Variants in BCL9L observed in about 807,000 individuals in gnomAD.
BCL9L encodes the protein BCL9 like.
BCL9L carries 19 observed loss-of-function variants against 99.4 expected under a neutral mutation model. That is an observed-to-expected ratio of 0.19 (90% CI 0.13 to 0.28). The LOEUF (loss-of-function observed/expected upper bound fraction) is 0.28, where lower values mean the gene tolerates loss of function less well. Among genes scored for constraint, BCL9L ranks in the 10% least tolerant of loss-of-function variants. BCL9L has a pLI of 1.00. For synonymous variants in BCL9L, 900 were observed against 854.8 expected (o/e 1.05, Z -0.92); for missense variants, 2,023 against 2,101.6 (o/e 0.96, Z 0.73).
chr11:118,902,063 G>A lies in BCL9L; in HGVS notation c.1680C>T (p.Pro560=). 2 of 1,614,078 alleles carry A rather than the reference G, an allele frequency of 1.2e-6. No homozygotes were observed. Among genetic ancestry groups the A allele is most frequent in the South Asian group, 2.2e-5 (2 of 91,082 alleles). The change falls in exon 8 of 10, where the codon CCC becomes CCT. Residue 560 remains proline (P), a synonymous_variant. Coordinates refer to ENST00000683865, the MANE Select transcript of BCL9L (RefSeq NM_001378213.1). This position sits in a 1 kb window ranked among gnomAD's most constrained non-coding sequence, Gnocchi z 7.8. ...MGMGGMMVRG[P]PPPYHSKPGD... ...CAGGCTTGCTGTGGTAAGGAGGCGGGGGCCCCCTCACCATCATGCCCCCCA... is the reference window on the plus strand; with the variant it reads ...CAGGCTTGCTGTGGTAAGGAGGCGGAGGCCCCCTCACCATCATGCCCCCCA...
rs1370674980 is a variant in BCL9L, at chr11:118,922,229, C to T, written c.-131+3009G>A. Among the ~76,000 whole-genome samples, 1 of 152,184 alleles carries T rather than the reference C, an allele frequency of 6.6e-6. No homozygotes were observed. Among genetic ancestry groups the T allele is most frequent in the East Asian group, 1.9e-4 (1 of 5,180 alleles). On this transcript the variant is annotated intron_variant, in intron 1 of 9. Transcript: ENST00000683865. The surrounding 1 kb of genome is among the most constrained non-coding windows in gnomAD (Gnocchi z 6.2). ...CCCTGGCACCAGGCAGAGGAAATTC[C>T]AGGCTGTAAGTCCAGGCAGCCTTCA... is the stretch of plus-strand genomic sequence containing the variant.
rs962873474 is a variant in BCL9L at position 118,900,331 on chromosome 11, C to G, written c.3125-133G>C. 1 of 1,171,210 alleles carries G rather than the reference C, an allele frequency of 8.5e-7. No individual in the cohort carries two copies. The highest frequency in any genetic ancestry group is 1.6e-5 in the African/African-American group (1 of 64,288). 72.6% of individuals were successfully genotyped at this position (1,171,210 alleles called of 1,614,324 possible). On this transcript the variant is annotated intron_variant, in intron 8 of 9. Transcript: ENST00000683865. The surrounding 1 kb of genome is among the most constrained non-coding windows in gnomAD (Gnocchi z 5.3). Reference sequence around the variant, plus strand: ...GGTCCTTCAGACACACCCACAGGCCCCCACTATCTCCAGAGCCCACCAGTC... The same window carrying G: ...GGTCCTTCAGACACACCCACAGGCCGCCACTATCTCCAGAGCCCACCAGTC...
chr11:118,910,267 T>G, intron 2 of BCL9L: 3 of 341,198 alleles, frequency 8.8e-6, no homozygotes, highest in Non-Finnish European at 5.7e-6. Context: ...AGAGACAGAA[T>G]TCACTAAAAG....
At position 118,914,361 on chromosome 11, in the gene BCL9L, C is replaced by T. The variant is rs909870196; in HGVS notation, c.-76-4346G>A. Among the ~76,000 whole-genome samples, 24 of 152,274 alleles carry T rather than the reference C, an allele frequency of 1.6e-4. No individual in the cohort carries two copies. The highest frequency in any genetic ancestry group is 8.3e-4 in the South Asian group (4 of 4,830). On this transcript the variant is annotated intron_variant, in intron 2 of 9. Coordinates refer to ENST00000683865, the MANE Select transcript of BCL9L (RefSeq NM_001378213.1). This position sits in a 1 kb window ranked among gnomAD's most constrained non-coding sequence, Gnocchi z 4.4. ...ACTGCTGGCACAGCCAAGCGCACCACGGTGGGACCTCACCCAGCGCCCGCC... is the reference window on the plus strand; with the variant it reads ...ACTGCTGGCACAGCCAAGCGCACCATGGTGGGACCTCACCCAGCGCCCGCC...
At chr11:118,906,467 A>G (rs1940523460) in intron 5 of BCL9L, among the ~76,000 whole-genome samples, 1 of 151,988 alleles carries the variant, frequency 6.6e-6, no homozygotes, top group Non-Finnish European at 1.5e-5. Context: ...TAGTCTGCTC[A>G]CTCCATAACA....
chr11:118,919,118 G>GGC (rs1408555046), intron 1 of BCL9L, among the ~76,000 whole-genome samples: 3 of 17,936 alleles, frequency 1.7e-4, no homozygotes, highest in Middle Eastern at 0.05. Context: ...CCCCCCCCCC[G>GGC]ACCCCCCAAC....
Position 118,899,194 on chromosome 11 carries a change from G to T in BCL9L, c.3721C>A (p.Pro1241Thr). Residue 1241 changes from proline (P) to threonine (T), a missense_variant, in exon 10 of 10, where the codon CCC becomes ACC. Physicochemically the swap from Pro to Thr is conservative, Grantham distance 38. Transcript: ENST00000683865. ...GGCCCCCCGCCCCCACCCCCAGTGG[G>T]GGCCATGGCACCATGGGGCTGCTGC... ...RLQQPHGAMAPTGGGGGGPGL... is the reference protein window; with the variant it reads ...RLQQPHGAMATTGGGGGGPGL... 1.3e-6 allele frequency: 2 copies of T among 1,493,436 alleles called. No homozygotes were observed. Among genetic ancestry groups the T allele is most frequent in the Non-Finnish European group, 1.8e-6 (2 of 1,120,792 alleles). The allele number at this position is 1,493,436 out of a possible 1,614,324, so 92.5% of individuals were successfully genotyped here. A position where few individuals can be genotyped will look rare whatever the true frequency, so the allele number is the denominator to read the frequency against.
intron 2 of BCL9L, among the ~76,000 whole-genome samples, chr11:118,911,079 T>C (rs941424802): frequency 2.0e-5 from 3 of 152,122 alleles, no homozygotes; most frequent in African/African-American, 7.2e-5. Context: ...CGAAGAAAGT[T>C]GAGCCTGGTA....
In BCL9L at chr11:118,902,985, C is replaced by G. The variant is rs569159515; in HGVS notation, c.834+5G>C. 4.4e-5 allele frequency: 71 copies of G among 1,595,910 alleles called. No homozygotes were observed. The highest frequency in any genetic ancestry group is 1.7e-6 in the Non-Finnish European group (2 of 1,175,404). Reference sequence around the variant, plus strand: ...TCCTGCTGCTCACAGAGGCGCCACGCTCACCTGGTCAAGCTTGGCCCGGGG... The same window carrying G: ...TCCTGCTGCTCACAGAGGCGCCACGGTCACCTGGTCAAGCTTGGCCCGGGG... On this transcript the variant is annotated splice_donor_5th_base_variant and intron_variant, in intron 7 of 9. Transcript: ENST00000683865. This position sits in a 1 kb window ranked among gnomAD's most constrained non-coding sequence, Gnocchi z 7.8.
At chr11:118,906,575 C>A (rs1940529448) in intron 5 of BCL9L, among the ~76,000 whole-genome samples, 1 of 152,194 alleles carries the variant, frequency 6.6e-6, no homozygotes, top group African/African-American at 2.4e-5. Flanking sequence ...AGCAAAGTAG[C>A]CAATGTACTC....
chr11:118,904,494 C>T (rs1940424827), intron 5 of BCL9L, among the ~76,000 whole-genome samples: 1 of 152,098 alleles, frequency 6.6e-6, no homozygotes, highest in Non-Finnish European at 1.5e-5. Flanking sequence ...AAAAAGCTGA[C>T]ATACTGGAAA....
chr11:118,910,862 ACACT>A (rs1183790999), intron 2 of BCL9L: 1 of 172,610 alleles, frequency 5.8e-6, no homozygotes, highest in African/African-American at 2.5e-5. Flanking sequence ...TGACTCACAC[ACACT>A]CACAGCTCAC....
At position 118,902,432 on chromosome 11, in the gene BCL9L, T is replaced by A. The variant is rs371704255; in HGVS notation, c.1311A>T (p.Gly437=). 8.5e-5 allele frequency: 135 copies of A among 1,591,122 alleles called. 1 individual carries two copies. The East Asian group carries it at 2.5e-3, about 29-fold the overall frequency. Residue 437 remains glycine, a synonymous_variant, in exon 8 of 10, where the codon GGA becomes GGT. Coordinates refer to ENST00000683865, the MANE Select transcript of BCL9L (RefSeq NM_001378213.1). This position sits in a 1 kb window ranked among gnomAD's most constrained non-coding sequence, Gnocchi z 7.8. ...TEPFLKGPPG[G]AGEGGPPAQA... Reference sequence around the variant, plus strand: ...GTGCTGGTGGGCCCCCCTCACCCGCTCCTCCTGGGGGCCCCTTGAGGAAGG... The same window carrying A: ...GTGCTGGTGGGCCCCCCTCACCCGCACCTCCTGGGGGCCCCTTGAGGAAGG...
chr11:118,909,512 C>T (rs1433137064), intron 3 of BCL9L, among the ~76,000 whole-genome samples: 1 of 152,194 alleles, frequency 6.6e-6, no homozygotes, highest in Non-Finnish European at 1.5e-5. Context: ...GCCGGCTTCT[C>T]CGGGGAGGGG....
intron 2 of BCL9L, among the ~76,000 whole-genome samples, chr11:118,916,006 T>C (rs1023079266): frequency 2.0e-5 from 3 of 152,120 alleles, no homozygotes; most frequent in Admixed American, 6.5e-5. Context: ...CGTGTTCACA[T>C]TGGAACATCT....
Position 118,899,329 on chromosome 11 carries a change from C to T in BCL9L, c.3586G>A (p.Gly1196Arg), listed in dbSNP as rs770974188. 3.2e-6 allele frequency: 5 copies of T among 1,566,272 alleles called. No individual in the cohort carries two copies. The South Asian group carries it at 4.8e-5, about 15-fold the overall frequency. The change falls in exon 10 of 10, where the codon GGG becomes AGG. Residue 1196 changes from glycine to arginine, a missense_variant. Gly to Arg is a moderately radical substitution (Grantham distance 125, BLOSUM62 -2). Transcript: ENST00000683865. ...PLHPNAQGTGGPPQNSMMMAP... is the reference protein window; with the variant it reads ...PLHPNAQGTGRPPQNSMMMAP... ...ATCATCATGGAGTTTTGAGGGGGCC[C>T]CCCTGTCCCCTGTGCGTTGGGATGC...
rs61751532 is a variant in BCL9L, at chr11:118,898,895, C to T, written c.4020G>A (p.Gln1340=). 0.074 allele frequency: 118,983 copies of T among 1,613,746 alleles called. 5,209 individuals are homozygous for T. The highest frequency in any genetic ancestry group is 0.088 in the Non-Finnish European group (103,730 of 1,179,782). ...IPSEKPSSTL[Q]YFPKSENQPP... ...GCTGGTTCTCGCTCTTGGGGAAGTA[C>T]TGGAGGGTGCTGCTTGGCTTCTCAG... The change falls in exon 10 of 10, where the codon CAG becomes CAA. Residue 1340 remains glutamine, a synonymous_variant. Transcript: ENST00000683865.
Position 118,902,066 on chromosome 11 carries a change from C to T in BCL9L, c.1677G>A (p.Gly559=). 6.2e-7 allele frequency: 1 copy of T among 1,613,758 alleles called. No individual in the cohort carries two copies. Among genetic ancestry groups the T allele is most frequent in the Non-Finnish European group, 8.5e-7 (1 of 1,179,906 alleles). The part of the protein sequence containing the change: ...MMGMGGMMVR[G]PPPPYHSKPG... ...GCTTGCTGTGGTAAGGAGGCGGGGG[C>T]CCCCTCACCATCATGCCCCCCATGC... Residue 559 remains glycine (G), a synonymous_variant, in exon 8 of 10, where the codon GGG becomes GGA. Coordinates refer to ENST00000683865, the MANE Select transcript of BCL9L (RefSeq NM_001378213.1). This position sits in a 1 kb window ranked among gnomAD's most constrained non-coding sequence, Gnocchi z 7.8.
Position 118,903,248 on chromosome 11 carries a change from T to C in BCL9L, c.737A>G (p.His246Arg). 1 of 1,587,420 alleles carries C rather than the reference T, an allele frequency of 6.3e-7. No individual in the cohort carries two copies. Among genetic ancestry groups the C allele is most frequent in the Non-Finnish European group, 8.6e-7 (1 of 1,169,406 alleles). Reference protein sequence around the residue: ...PSQFVYVFTTHLANTAAEAVL... With the variant: ...PSQFVYVFTTRLANTAAEAVL... ...ACCAGGCACTTACGTGTTGGCCAGGTGGGTGGTGAAGACATATACGAACTG... is the reference window on the plus strand; with the variant it reads ...ACCAGGCACTTACGTGTTGGCCAGGCGGGTGGTGAAGACATATACGAACTG... Residue 246 changes from histidine (H) to arginine (R), a missense_variant, in exon 6 of 10, where the codon CAC (histidine) becomes CGC (arginine). By Grantham distance (29) the His-to-Arg change is conservative (BLOSUM62 0). Transcript: ENST00000683865. This position sits in a 1 kb window ranked among gnomAD's most constrained non-coding sequence, Gnocchi z 5.6.
Sources: gnomAD v4.1 joint callset for allele counts (sites outside exome capture counted in the v4.1 genomes callset) on GRCh38, gnomAD v4.1.1 for gene constraint, Gnocchi (gnomAD v3.1) non-coding constraint, MANE v1.5 for transcripts, NCBI Gene and HGNC (gene_info 2026-07-23, HGNC 2026-07-21) for gene names.